The following BORCS5 variants were observed in gnomAD, a reference collection of about 807,000 sequenced individuals.
BORCS5 encodes the protein BLOC-1-related complex subunit 5.
In BORCS5, 17 loss-of-function variants were observed where a neutral mutation model predicts 22.1. That is an observed-to-expected ratio of 0.77 (90% CI 0.53 to 1.15). BORCS5 has a LOEUF of 1.15. Ranked by LOEUF, BORCS5 falls within the 50% of genes most tolerant of loss-of-function variation. The pLI is 0.00. For synonymous variants in BORCS5, 117 were observed against 99.8 expected (o/e 1.17, Z -1.03); for missense variants, 247 against 253.2 (o/e 0.98, Z 0.17).
chr12:12,416,765 T>C (rs1032522718), intron 2 of BORCS5, among the ~76,000 whole-genome samples: 1 of 151,224 alleles, frequency 6.6e-6, no homozygotes, highest in Non-Finnish European at 1.5e-5. Flanking sequence ...CCAACTCTTG[T>C]TTTTTAATGT....
intron 2 of BORCS5, among the ~76,000 whole-genome samples, chr12:12,374,238 G>A (rs1246186680): frequency 2.6e-5 from 4 of 151,680 alleles, no homozygotes; most frequent in East Asian, 3.9e-4. Context: ...TGATCCGCCC[G>A]CCTCAGCCTC....
intron 1 of BORCS5, among the ~76,000 whole-genome samples, chr12:12,358,283 AAG>A (rs1332252635): frequency 6.6e-6 from 1 of 152,210 alleles, no homozygotes; most frequent in Non-Finnish European, 1.5e-5. Flanking sequence ...GGGGCCTAAA[AAG>A]AGTCGCCGAT....
intron 2 of BORCS5, among the ~76,000 whole-genome samples, chr12:12,406,932 A>C (rs1422384737): frequency 6.6e-6 from 1 of 152,184 alleles, no homozygotes; most frequent in East Asian, 1.9e-4. Context: ...TTGATGTTTC[A>C]ACAAGTGGAG....
At chr12:12,429,678 A>G (rs900862656) in intron 2 of BORCS5, among the ~76,000 whole-genome samples, 5 of 152,040 alleles carry the variant, frequency 3.3e-5, no homozygotes, top group Non-Finnish European at 7.4e-5. Flanking sequence ...TCCCCCTCCT[A>G]CTTCCCTCGT....
chr12:12,357,636 G>GAAA, intron 1 of BORCS5, 127 bp downstream of exon 1: 3 of 792,876 alleles, frequency 3.8e-6, no homozygotes, highest in Admixed American at 4.0e-5. Flanking sequence ...GTGCTAGTAG[G>GAAA]AAAAAAAAAA....
intron 2 of BORCS5, among the ~76,000 whole-genome samples, chr12:12,404,095 T>C (rs1440826383): frequency 2.0e-5 from 3 of 152,164 alleles, no homozygotes; most frequent in African/African-American, 4.8e-5. Flanking sequence ...GTAAATTTAC[T>C]TCAGAAACAG....
chr12:12,415,232 A>G (rs1368961906), intron 2 of BORCS5, among the ~76,000 whole-genome samples: 2 of 151,132 alleles, frequency 1.3e-5, no homozygotes, highest in South Asian at 2.1e-4. Context: ...AGCCGAGATC[A>G]CGCCACTGCA....
At chr12:12,372,600 A>G (rs753696330) in intron 2 of BORCS5, among the ~76,000 whole-genome samples, 7 of 151,856 alleles carry the variant, frequency 4.6e-5, no homozygotes, top group African/African-American at 1.5e-4. Flanking sequence ...GACCCTTCCC[A>G]TGTTTTCTTT....
At chr12:12,389,724 A>G (rs960727446) in intron 2 of BORCS5, among the ~76,000 whole-genome samples, 1 of 152,132 alleles carries the variant, frequency 6.6e-6, no homozygotes, top group Non-Finnish European at 1.5e-5. Context: ...GCTCACTGCA[A>G]GCTCTGCCTT....
chr12:12,424,961 G>C (rs1436485100), intron 2 of BORCS5, among the ~76,000 whole-genome samples: 4 of 152,228 alleles, frequency 2.6e-5, no homozygotes, highest in Non-Finnish European at 5.9e-5. Context: ...AGTCACTTCA[G>C]CGTGAGTGGG....
chr12:12,359,298 C>G (rs1216087092), intron 1 of BORCS5, among the ~76,000 whole-genome samples: 2 of 151,542 alleles, frequency 1.3e-5, no homozygotes, highest in Non-Finnish European at 2.9e-5. Context: ...TACTCAGGCC[C>G]AGGTGGGAGG....
At chr12:12,440,605 G>GAAA (rs11388720) in intron 3 of BORCS5, among the ~76,000 whole-genome samples, 5,877 of 139,836 alleles carry the variant, frequency 0.042, 446 homozygotes, top group African/African-American at 0.14. Flanking sequence ...CTAGGTCTTT[G>GAAA]AAAAAAAAAA....
chr12:12,450,832 G>A (rs138885022), intron 3 of BORCS5, among the ~76,000 whole-genome samples: 18 of 152,326 alleles, frequency 1.2e-4, no homozygotes, highest in Middle Eastern at 3.4e-3. Context: ...CCCTATGAGA[G>A]TGTGGTGAGG....
At chr12:12,368,933 T>C (rs759018463) in intron 2 of BORCS5, among the ~76,000 whole-genome samples, 2 of 152,192 alleles carry the variant, frequency 1.3e-5, no homozygotes, top group Admixed American at 6.5e-5. Context: ...TTAATGGGTA[T>C]AGTGTTCTAT....
intron 3 of BORCS5, among the ~76,000 whole-genome samples, chr12:12,441,052 T>C (rs1211821532): frequency 1.3e-5 from 2 of 152,272 alleles, no homozygotes; most frequent in East Asian, 3.9e-4. Flanking sequence ...GCAAGATCCC[T>C]GAGGAGGCAA....
intron 3 of BORCS5, among the ~76,000 whole-genome samples, chr12:12,457,031 C>T (rs1269633727): frequency 6.6e-6 from 1 of 152,068 alleles, no homozygotes; most frequent in African/African-American, 2.4e-5. Context: ...TCATGTACTA[C>T]ATTTCTTATC....
At chr12:12,388,868 C>T (rs1475421847) in intron 2 of BORCS5, among the ~76,000 whole-genome samples, 1 of 71,092 alleles carries the variant, frequency 1.4e-5, no homozygotes, top group East Asian at 2.9e-4. Flanking sequence ...ATGAGCATAA[C>T]TCCCTAAGCC....
At chr12:12,368,786 T>C (rs1863459454) in intron 2 of BORCS5, among the ~76,000 whole-genome samples, 2 of 151,978 alleles carry the variant, frequency 1.3e-5, no homozygotes, top group South Asian at 4.1e-4. Flanking sequence ...CTTGCTCTGT[T>C]TGTCTATACA....
intron 2 of BORCS5, among the ~76,000 whole-genome samples, chr12:12,371,210 A>C (rs1255966168): frequency 6.6e-6 from 1 of 152,170 alleles, no homozygotes; most frequent in African/African-American, 2.4e-5. Context: ...TCTTATTTAG[A>C]ATCCATTTCT....
Sources: allele counts gnomAD v4.1 joint callset (sites outside exome capture counted in the v4.1 genomes callset), GRCh38; gene constraint gnomAD v4.1.1; transcripts MANE v1.5; gene names NCBI Gene and HGNC (gene_info 2026-07-23, HGNC 2026-07-21).